Variants in ZFAND4 observed in about 807,000 individuals in gnomAD.
The protein encoded by ZFAND4 is AN1-type zinc finger protein 4.
Under a neutral mutation model 64.4 loss-of-function variants are expected in ZFAND4, and 43 were observed. That is an observed-to-expected ratio of 0.67 (90% CI 0.52 to 0.86). The LOEUF is 0.86. Ranked by LOEUF, ZFAND4 falls within the 40% of genes least tolerant of loss-of-function variation. The pLI is 0.00. For missense variants in ZFAND4, 929 were observed against 859.8 expected (o/e 1.08, Z -1.01); for synonymous variants, 296 against 305.7 (o/e 0.97, Z 0.33).
At chr10:45,670,244 G>A (rs1194994117) in intron 1 of ZFAND4, among the ~76,000 whole-genome samples, 1 of 86,464 alleles carries the variant, frequency 1.2e-5, no homozygotes, top group African/African-American at 4.5e-5. Flanking sequence ...TTTTTTTTTT[G>A]AGACGGAGTT....
chr10:45,670,190 G>A (rs530749816), intron 1 of ZFAND4, among the ~76,000 whole-genome samples: 58 of 151,370 alleles, frequency 3.8e-4, no homozygotes, highest in Non-Finnish European at 6.8e-4. Context: ...AAGTCTCAGG[G>A]TACAAAATCA....
chr10:45,629,284 ACTCCTGGATTCAAGTGATC>A (rs2046051090), intron 6 of ZFAND4, among the ~76,000 whole-genome samples: 1 of 151,700 alleles, frequency 6.6e-6, no homozygotes, highest in Non-Finnish European at 1.5e-5. Context: ...CTGGTCTCAA[ACTCCTGGATTCAAGTGATC>A]CTCCCACCTC....
At chr10:45,625,387 T>C (rs1385008484) in intron 7 of ZFAND4, among the ~76,000 whole-genome samples, 2 of 144,426 alleles carry the variant, frequency 1.4e-5, no homozygotes, top group Non-Finnish European at 3.0e-5. Context: ...GGCAGGAGAA[T>C]GGCGTGAACC....
chr10:45,668,011 G>A (rs1011250520), intron 1 of ZFAND4, among the ~76,000 whole-genome samples: 7 of 152,042 alleles, frequency 4.6e-5, no homozygotes, highest in Non-Finnish European at 1.0e-4. Context: ...TTTATCAAAC[G>A]CTTTTTTCAT....
At chr10:45,617,008 G>A (rs530433061) in intron 9 of ZFAND4, among the ~76,000 whole-genome samples, 82 of 151,552 alleles carry the variant, frequency 5.4e-4, no homozygotes, top group African/African-American at 1.8e-3. Context: ...AACCCAGGAG[G>A]TGGAGGTTGC....
chr10:45,638,540 G>C (rs2046778951), intron 6 of ZFAND4, among the ~76,000 whole-genome samples: 1 of 152,010 alleles, frequency 6.6e-6, no homozygotes, highest in South Asian at 2.1e-4. Flanking sequence ...TGGCAAAATT[G>C]TCTGGCATAA....
chr10:45,626,820 C>T lies in ZFAND4; in HGVS notation c.1003G>A (p.Val335Ile), dbSNP rs146866329. ...NNTLSHFSSN[V>I]KLPPQIPHLE... ...TGGGGTATCTGAGGAGGTAGTTTGA[C>T]GTTGCTACTGAAGTGAGACAGTGTG... is the stretch of plus-strand genomic sequence containing the variant. Residue 335 changes from valine to isoleucine, a missense_variant, in exon 7 of 10, where the codon GTC becomes ATC. By Grantham distance (29) the Val-to-Ile change is conservative. Coordinates refer to ENST00000344646, the MANE Select transcript of ZFAND4 (RefSeq NM_174890.4). 470 of 1,614,174 alleles carry T rather than the reference C, an allele frequency of 2.9e-4. 4 individuals are homozygous for T. The African/African-American group carries it at 4.8e-3, about 16-fold the overall frequency.
At chr10:45,640,236 C>T (rs2046891471) in intron 5 of ZFAND4, 1 of 1,215,166 alleles carries the variant, frequency 8.2e-7, no homozygotes, top group Non-Finnish European at 1.0e-6. Context: ...TGTTTTGACA[C>T]CTGCCATATC....
intron 9 of ZFAND4, 53 bp downstream of exon 9, chr10:45,618,087 A>G (rs2045133924): frequency 6.4e-7 from 1 of 1,566,108 alleles, no homozygotes; most frequent in African/African-American, 1.4e-5. Context: ...CATAATCCCC[A>G]AGCTGGGTTA....
intron 8 of ZFAND4, among the ~76,000 whole-genome samples, chr10:45,621,462 G>A (rs374437699): frequency 1.3e-5 from 2 of 150,430 alleles, no homozygotes; most frequent in Non-Finnish European, 3.0e-5. Context: ...TGAGGTTAAG[G>A]CCAGGCGCAG....
chr10:45,627,068 A>G lies in ZFAND4; in HGVS notation c.755T>C (p.Val252Ala). The part of the protein sequence containing the change: ...KAVKIKPHPP[V>A]APRPSSGSTA... Reference sequence around the variant, plus strand: ...GGAACCACTAGAAGGTCGAGGAGCTACAGGTGGGTGAGGTTTTATCTTGAC... The same window carrying G: ...GGAACCACTAGAAGGTCGAGGAGCTGCAGGTGGGTGAGGTTTTATCTTGAC... The change falls in exon 7 of 10, where the codon GTA becomes GCA. Residue 252 changes from valine to alanine, a missense_variant. By Grantham distance (64) the Val-to-Ala change is moderately conservative. Transcript: ENST00000344646. 1 of 1,570,628 alleles carries G rather than the reference A, an allele frequency of 6.4e-7. No homozygotes were observed. Among genetic ancestry groups the G allele is most frequent in the Non-Finnish European group, 8.6e-7 (1 of 1,157,892 alleles).
rs185875334 is a variant in ZFAND4, at chr10:45,667,576, C to T, written c.-117-3734G>A. Among the ~76,000 whole-genome samples, 1,429 of 150,450 alleles carry T rather than the reference C, an allele frequency of 9.5e-3. 15 individuals carry two copies. Among genetic ancestry groups the T allele is most frequent in the Non-Finnish European group, 0.017 (1,139 of 67,838 alleles). ...CTCCGCCTCCCGAGTTCAAGCGATT[C>T]GCCTGTCTCAGCTTCCCAAATAGCT... On this transcript the variant is annotated intron_variant, in intron 1 of 9. Transcript: ENST00000344646.
chr10:45,648,228 C>A (rs2047521948), intron 5 of ZFAND4, 66 bp downstream of exon 5: 6 of 1,428,968 alleles, frequency 4.2e-6, no homozygotes, highest in Non-Finnish European at 5.6e-6. Flanking sequence ...GAATGAGATG[C>A]ATGACATTTG....
intron 6 of ZFAND4, among the ~76,000 whole-genome samples, chr10:45,631,920 T>C (rs983476024): frequency 6.6e-6 from 1 of 152,092 alleles, no homozygotes; most frequent in Admixed American, 6.5e-5. Flanking sequence ...CAAATAAAAA[T>C]GTTAAGTCTA....
chr10:45,650,485 C>T (rs1284011384), intron 4 of ZFAND4: 3 of 151,114 alleles, frequency 2.0e-5, no homozygotes. Context: ...GCACTCCAGC[C>T]TCGGTGACAG....
chr10:45,656,903 C>T (rs758899806), intron 2 of ZFAND4, among the ~76,000 whole-genome samples: 4 of 152,082 alleles, frequency 2.6e-5, no homozygotes, highest in Non-Finnish European at 5.9e-5. Flanking sequence ...CCTCACCAGA[C>T]CCTAGACCTG....
At chr10:45,639,082 T>C (rs1019508751) in intron 6 of ZFAND4, among the ~76,000 whole-genome samples, 1 of 152,098 alleles carries the variant, frequency 6.6e-6, no homozygotes, top group South Asian at 2.1e-4. Context: ...TTGAATTTTA[T>C]TATACATGAA....
intron 5 of ZFAND4, among the ~76,000 whole-genome samples, chr10:45,647,378 T>C (rs2047457713): frequency 6.6e-6 from 1 of 151,636 alleles, no homozygotes. Context: ...AGCAATGCTG[T>C]GCCTGGACTC....
At position 45,624,652 on chromosome 10, in the gene ZFAND4, C is replaced by T. The variant is rs755136036; in HGVS notation, c.1873-15G>A. The T allele has an allele frequency of 6.2e-7, 1 of 1,609,880 alleles. No individual in the cohort carries two copies. Among genetic ancestry groups the T allele is most frequent in the Non-Finnish European group, 8.5e-7 (1 of 1,176,480 alleles). ...CCATGGGTAGACTACAATTAAAACA[C>T]AAAACATCTATAGAGGTGAGTCAAT... On this transcript the variant is annotated splice_polypyrimidine_tract_variant and intron_variant, in intron 7 of 9. Transcript: ENST00000344646.
Sources: allele counts gnomAD v4.1 joint callset (sites outside exome capture counted in the v4.1 genomes callset), GRCh38; gene constraint gnomAD v4.1.1; transcripts MANE v1.5; gene names NCBI Gene and HGNC (gene_info 2026-07-23, HGNC 2026-07-21).